NAV3: variants seen among roughly 807,000 people sequenced by gnomAD.
The protein encoded by NAV3 is pore membrane and/or filament interacting like protein 1.
Under a neutral mutation model 244.7 loss-of-function variants are expected in NAV3, and 87 were observed. The observed-to-expected ratio is 0.36, with a 90% confidence interval of 0.30 to 0.42. NAV3 has a LOEUF of 0.42. Ranked by LOEUF, NAV3 falls within the 20% of genes least tolerant of loss-of-function variation. NAV3 has a pLI of 1.00. For missense variants in NAV3, 2,663 were observed against 2,893.3 expected, an observed-to-expected ratio of 0.92 and a Z score of 1.83; for synonymous variants, 1,126 against 1,042.2, an observed-to-expected ratio of 1.08 and a Z score of -1.55.
intron 2 of NAV3, among the ~76,000 whole-genome samples, chr12:77,625,625 C>T (rs980543021): frequency 1.3e-5 from 2 of 152,180 alleles, no homozygotes; most frequent in Non-Finnish European, 2.9e-5. Flanking sequence ...AGCAAAGCCT[C>T]GTCACAGCCT....
intron 2 of NAV3, among the ~76,000 whole-genome samples, chr12:77,677,630 G>C (rs1049896545): frequency 1.3e-5 from 2 of 152,196 alleles, no homozygotes; most frequent in African/African-American, 4.8e-5. Flanking sequence ...ACATGTACCA[G>C]TGCCTGAAAG....
At chr12:77,760,357 G>A (rs1428038318) in intron 2 of NAV3, among the ~76,000 whole-genome samples, 3 of 152,206 alleles carry the variant, frequency 2.0e-5, no homozygotes, top group African/African-American at 4.8e-5. Flanking sequence ...GAGAACCACA[G>A]AGCAGCATGC....
intron 12 of NAV3, among the ~76,000 whole-genome samples, chr12:78,064,477 A>G (rs1454779195): frequency 6.9e-6 from 1 of 144,316 alleles, no homozygotes; most frequent in Non-Finnish European, 1.5e-5. Context: ...CTGTCTATAT[A>G]GAGAGAGGTC....
chr12:77,761,370 A>G lies in NAV3; in HGVS notation c.73-178949A>G, dbSNP rs145291441. Among the ~76,000 whole-genome samples, 38 of 152,274 alleles carry G rather than the reference A, an allele frequency of 2.5e-4. No individual in the cohort carries two copies. In the East Asian group the frequency reaches 7.2e-3, roughly 29 times the overall value. The stretch of plus-strand genomic sequence containing the variant: ...CCAGCCAGTATTTTAAAGATCATCT[A>G]TGTCAAACTGCCACACAGTTCAGCT... On this transcript the variant is annotated intron_variant, in intron 2 of 8. Transcript: ENST00000550042.
In NAV3 at chr12:78,176,203, A is replaced by G. The variant is rs531386295; in HGVS notation, c.5104-236A>G. 2.0e-5 allele frequency among the ~76,000 whole-genome samples: 3 copies of G among 152,066 alleles called. No homozygotes were observed. The East Asian group carries it at 5.8e-4, about 29-fold the overall frequency. ...TACTGTTACTGCGAAAAATTTAAAAACAATGGAGTCAATGATTTCTTTTAA... is the reference window on the plus strand; with the variant it reads ...TACTGTTACTGCGAAAAATTTAAAAGCAATGGAGTCAATGATTTCTTTTAA... On this transcript the variant is annotated intron_variant, in intron 25 of 39. Coordinates refer to ENST00000397909, the MANE Select transcript of NAV3 (RefSeq NM_001024383.2).
In NAV3 at chr12:77,779,224, T is replaced by G. The variant is rs916247761; in HGVS notation, c.73-161095T>G. On this transcript the variant is annotated intron_variant, in intron 2 of 8. Coordinates refer to the NAV3 transcript ENST00000550042. The stretch of plus-strand genomic sequence containing the variant: ...GAAATTTTGTAACAACACTCAAAAA[T>G]CTCACCCAAAGGATATAAATCAAAA... Among the ~76,000 whole-genome samples, 20 of 152,322 alleles carry G rather than the reference T, an allele frequency of 1.3e-4. 1 individual carries two copies. The highest frequency in any genetic ancestry group is 4.8e-4 in the African/African-American group (20 of 41,580).
chr12:77,799,743 T>C (rs1350748177), intron 2 of NAV3, among the ~76,000 whole-genome samples: 1 of 152,174 alleles, frequency 6.6e-6, no homozygotes, highest in Non-Finnish European at 1.5e-5. Flanking sequence ...TTCATATCTG[T>C]TGTTTTGATG....
In NAV3 at chr12:77,611,774, A is replaced by G. The variant is rs192103494; in HGVS notation, c.72+39508A>G. On this transcript the variant is annotated intron_variant, in intron 2 of 8. Coordinates refer to the NAV3 transcript ENST00000550042. ...GTGCTTTAATAAAAGTAAATAATTG[A>G]GTATGGGTTATTAAGTATAATTTTT... Among the ~76,000 whole-genome samples the G allele has an allele frequency of 6.8e-4, 103 of 152,198 alleles. 1 individual carries two copies. The highest frequency in any genetic ancestry group is 2.2e-3 in the African/African-American group (92 of 41,564).
intron 2 of NAV3, among the ~76,000 whole-genome samples, chr12:77,633,664 G>C (rs923796829): frequency 6.6e-6 from 1 of 152,098 alleles, no homozygotes; most frequent in Non-Finnish European, 1.5e-5. Context: ...AGTGAAGTTG[G>C]TAATAGTAAA....
intron 2 of NAV3, among the ~76,000 whole-genome samples, chr12:77,706,558 A>G (rs1010954489): frequency 2.0e-5 from 3 of 151,102 alleles, no homozygotes; most frequent in Admixed American, 1.3e-4. Context: ...TTCAGAATAT[A>G]TGAGAGACCC....
At position 78,153,870 on chromosome 12, in the gene NAV3, T is replaced by C. The variant is rs578130701; in HGVS notation, c.4785+4951T>C. 2.6e-5 allele frequency among the ~76,000 whole-genome samples: 4 copies of C among 151,962 alleles called. No individual in the cohort carries two copies. The South Asian group carries it at 8.3e-4, about 32-fold the overall frequency. ...TCTAAGAGAAAACAATTGGTGCATA[T>C]TATTAATGAGAAACACTTCAGTGTT... On this transcript the variant is annotated intron_variant, in intron 22 of 39. Transcript: ENST00000397909.
chr12:77,959,545 T>C (rs1891683869), intron 3 of NAV3, among the ~76,000 whole-genome samples: 1 of 152,072 alleles, frequency 6.6e-6, no homozygotes, highest in African/African-American at 2.4e-5. Flanking sequence ...CATTGTATTG[T>C]GCTAAGTGTT....
At chr12:77,903,648 C>T (rs548949606) in intron 1 of NAV3, among the ~76,000 whole-genome samples, 1 of 151,956 alleles carries the variant, frequency 6.6e-6, no homozygotes, top group Admixed American at 6.6e-5. Context: ...ACAAATGGGA[C>T]CTAATTAAAC....
chr12:77,870,956 A>G (rs1880858554), intron 1 of NAV3, among the ~76,000 whole-genome samples: 1 of 152,216 alleles, frequency 6.6e-6, no homozygotes, highest in African/African-American at 2.4e-5. Context: ...TAAAGAGATT[A>G]AAAAATTGTA....
intron 7 of NAV3, among the ~76,000 whole-genome samples, chr12:78,004,390 G>A (rs1029791986): frequency 4.6e-5 from 7 of 152,116 alleles, no homozygotes; most frequent in African/African-American, 1.4e-4. Context: ...GCTATTTGGG[G>A]ACCATAGACA....
At chr12:77,735,271 A>G (rs1467750986) in intron 2 of NAV3, among the ~76,000 whole-genome samples, 2 of 152,162 alleles carry the variant, frequency 1.3e-5, no homozygotes, top group Non-Finnish European at 2.9e-5. Flanking sequence ...CATTTCAGTA[A>G]TGAGAGTACT....
chr12:77,621,720 C>T (rs554915292), intron 2 of NAV3, among the ~76,000 whole-genome samples: 2 of 151,924 alleles, frequency 1.3e-5, no homozygotes, highest in Non-Finnish European at 2.9e-5. Context: ...CCTTGCGATC[C>T]GCCCACCTCG....
At chr12:77,692,375 G>T (rs1875074326) in intron 2 of NAV3, among the ~76,000 whole-genome samples, 1 of 152,026 alleles carries the variant, frequency 6.6e-6, no homozygotes, top group Non-Finnish European at 1.5e-5. Flanking sequence ...CAAAGGCACT[G>T]TTCTACCATT....
chr12:78,000,752 C>G (rs1873134490), intron 7 of NAV3, among the ~76,000 whole-genome samples: 1 of 150,850 alleles, frequency 6.6e-6, no homozygotes, highest in Non-Finnish European at 1.5e-5. Context: ...ATCCGCCCGC[C>G]TCGGCCTCCC....
Sources: gnomAD v4.1 joint callset for allele counts (sites outside exome capture counted in the v4.1 genomes callset) on GRCh38, gnomAD v4.1.1 for gene constraint, MANE v1.5 for transcripts, NCBI Gene and HGNC (gene_info 2026-07-23, HGNC 2026-07-21) for gene names.